MMP2: variants seen among roughly 807,000 people sequenced by gnomAD.
MMP2 encodes 72 kDa type IV collagenase.
In MMP2, 39 loss-of-function variants were observed where a neutral mutation model predicts 74.8. The observed-to-expected ratio is 0.52, with a 90% CI of 0.40 to 0.68. MMP2 has a LOEUF of 0.68. Ranked by LOEUF, MMP2 falls within the 30% of genes least tolerant of loss-of-function variation. MMP2 has a pLI of 0.00. For missense variants in MMP2, 803 were observed against 878.3 expected (o/e 0.91, Z 1.08); for synonymous variants, 367 against 339.8 (o/e 1.08, Z -0.88).
At chr16:55,481,959 C>T (rs758697570) in intron 1 of MMP2, 50 of 639,536 alleles carry the variant, frequency 7.8e-5, no homozygotes, top group Admixed American at 1.7e-4. Flanking sequence ...TTCCTAACTA[C>T]TTCCAACAAG....
At position 55,491,971 on chromosome 16, in the gene MMP2, G is replaced by T; in HGVS notation, c.1336+15G>T. The T allele has an allele frequency of 6.2e-7, 1 of 1,605,642 alleles. No homozygotes were observed. The highest frequency in any genetic ancestry group is 1.3e-5 in the African/African-American group (1 of 74,764). ...GGAGCTCTATGGTAAACCTCCGGGCGGGGGTTGGGGGTGGAGGGTGAGGAG... is the reference window on the plus strand; with the variant it reads ...GGAGCTCTATGGTAAACCTCCGGGCTGGGGTTGGGGGTGGAGGGTGAGGAG... On this transcript the variant is annotated intron_variant, in intron 8 of 12. Coordinates refer to ENST00000219070, the MANE Select transcript of MMP2 (RefSeq NM_004530.6).
chr16:55,488,014 A>G (rs1293097288), intron 5 of MMP2: 1 of 200,590 alleles, frequency 5.0e-6, no homozygotes, highest in Admixed American at 5.4e-5. Context: ...AGACTAAGCA[A>G]GAGAGATTGA....
At chr16:55,488,778 C>T in intron 6 of MMP2, 62 bp downstream of exon 6, 1 of 1,465,754 alleles carries the variant, frequency 6.8e-7, no homozygotes, top group Admixed American at 2.0e-5. Context: ...AAAAAAAAAA[C>T]CCATAAGACT....
chr16:55,486,365 G>GTGTGTGTGTGCC (rs1567375164), intron 5 of MMP2, among the ~76,000 whole-genome samples: 2 of 74,274 alleles, frequency 2.7e-5, no homozygotes, highest in African/African-American at 4.0e-5. Flanking sequence ...GTGTGTGTGT[G>GTGTGTGTGTGCC]TGTGTGTGTG....
chr16:55,479,670 A>G (rs776200817), intron 1 of MMP2, 38 bp downstream of exon 1: 2 of 1,613,122 alleles, frequency 1.2e-6, no homozygotes, highest in Admixed American at 3.3e-5. Flanking sequence ...CCACGTTTAG[A>G]CAAACTTCGG....
Position 55,505,770 on chromosome 16 carries a change from T to C in MMP2, c.*328T>C, listed in dbSNP as rs1962786434. On this transcript the variant is annotated 3_prime_UTR_variant, in exon 13 of 13. Transcript: ENST00000219070. ...GCTGCCACACTTCAGGCTCTTCTCC[T>C]TTCACAACCTTCTGTGGCTCACAGA... 5.0e-6 allele frequency: 2 copies of C among 396,538 alleles called. No individual in the cohort carries two copies. The highest frequency in any genetic ancestry group is 7.5e-5 in the Admixed American group (2 of 26,664). The allele number at this position is 396,538 out of a possible 1,614,324, so 24.6% of individuals were successfully genotyped here.
Position 55,479,339 on chromosome 16 carries a change from G to A in MMP2, c.-141G>A, listed in dbSNP as rs1962035521. ...GGGCCGGACCATGAGCCGCTGAGCC[G>A]GGCAAACCCCAGGCCACCGAGCCAG... On this transcript the variant is annotated 5_prime_UTR_variant, in exon 1 of 13. Coordinates refer to ENST00000219070, the MANE Select transcript of MMP2 (RefSeq NM_004530.6). The A allele has an allele frequency of 9.4e-6, 10 of 1,058,974 alleles. No homozygotes were observed. The highest frequency in any genetic ancestry group is 4.4e-5 in the Admixed American group (1 of 22,776). 65.6% of individuals were successfully genotyped at this position (1,058,974 alleles called of 1,614,324 possible).
chr16:55,480,607 G>A (rs1962075239), intron 1 of MMP2: 1 of 152,486 alleles, frequency 6.6e-6, no homozygotes, highest in African/African-American at 2.4e-5. Flanking sequence ...CGTAAGTAGG[G>A]CCTGAGGAGA....
intron 7 of MMP2, among the ~76,000 whole-genome samples, chr16:55,491,160 G>A (rs1962396280): frequency 6.6e-6 from 1 of 151,698 alleles, no homozygotes; most frequent in Admixed American, 6.6e-5. Context: ...TGCCTCCTGG[G>A]TTCAAGTGAT....
chr16:55,499,878 A>G (rs17859989), intron 11 of MMP2, among the ~76,000 whole-genome samples: 4,239 of 151,926 alleles, frequency 0.028, 195 homozygotes, highest in African/African-American at 0.096. Context: ...TGGTATCCCC[A>G]CATTCCTTCC....
intron 3 of MMP2, 64 bp downstream of exon 3, chr16:55,484,228 TG>T: frequency 1.3e-6 from 2 of 1,570,550 alleles, no homozygotes; most frequent in Non-Finnish European, 1.7e-6. Context: ...GGGGGTGAGA[TG>T]GACATTAGAG....
At chr16:55,479,780 A>T (rs1461664340) in intron 1 of MMP2, 148 bp downstream of exon 1, 1 of 989,122 alleles carries the variant, frequency 1.0e-6, no homozygotes, top group Admixed American at 2.1e-5. Context: ...TTGGCAAGCT[A>T]TTGGAGTGAT....
chr16:55,502,311 G>A lies in MMP2; in HGVS notation c.1770-468G>A, dbSNP rs148147344. ...CTAGTTTAGCACTCCTCGGATTACA[G>A]CAGGGATTTGTTTGTAAGGGAGCTA... On this transcript the variant is annotated intron_variant, in intron 11 of 12. Coordinates refer to ENST00000219070, the MANE Select transcript of MMP2 (RefSeq NM_004530.6). 3.2e-3 allele frequency among the ~76,000 whole-genome samples: 490 copies of A among 152,300 alleles called. 2 individuals are homozygous for A. Among genetic ancestry groups the A allele is most frequent in the African/African-American group, 0.011 (448 of 41,564 alleles).
At chr16:55,502,034 A>G (rs1270921433) in intron 11 of MMP2, among the ~76,000 whole-genome samples, 1 of 152,240 alleles carries the variant, frequency 6.6e-6, no homozygotes, top group Non-Finnish European at 1.5e-5. Context: ...ACCGATGCCC[A>G]AAGTATTTAC....
chr16:55,483,757 C>T (rs1962167382), intron 2 of MMP2, among the ~76,000 whole-genome samples: 2 of 152,152 alleles, frequency 1.3e-5, no homozygotes, highest in Admixed American at 1.3e-4. Flanking sequence ...GCCTGGGACT[C>T]CCTGGGTCTT....
intron 9 of MMP2, among the ~76,000 whole-genome samples, chr16:55,496,717 G>A (rs747418162): frequency 6.6e-6 from 1 of 152,180 alleles, no homozygotes; most frequent in African/African-American, 2.4e-5. Context: ...GGAGAGAACA[G>A]GGTAGGAGGA....
intron 12 of MMP2, 115 bp from the exon 13 acceptor site, chr16:55,505,223 CT>C: frequency 1.1e-6 from 1 of 918,206 alleles, no homozygotes. Context: ...TCAAAGCTCT[CT>C]TCTCGTTTAA....
At chr16:55,498,165 A>C in intron 10 of MMP2, 124 bp from the exon 11 acceptor site, 1 of 1,252,878 alleles carries the variant, frequency 8.0e-7, no homozygotes, top group Non-Finnish European at 1.2e-6. Context: ...ACCAGGAGTG[A>C]GCAGGAAGTT....
intron 7 of MMP2, 78 bp downstream of exon 7, chr16:55,489,902 A>C: frequency 6.7e-7 from 1 of 1,500,190 alleles, no homozygotes; most frequent in Non-Finnish European, 9.1e-7. Flanking sequence ...CCTTCCTGAG[A>C]CCTCACCCAC....
Sources: allele counts gnomAD v4.1 joint callset (sites outside exome capture counted in the v4.1 genomes callset), GRCh38; gene constraint gnomAD v4.1.1; transcripts MANE v1.5; gene names NCBI Gene and HGNC (gene_info 2026-07-23, HGNC 2026-07-21).